CCND2: variants seen among roughly 807,000 people sequenced by gnomAD.
CCND2 encodes cyclin D2, also known as G1/S-specific cyclin-D2.
A neutral mutation model predicts 30.2 loss-of-function variants in CCND2; 6 were observed. The ratio of observed to expected loss-of-function variants is 0.20; its 90% CI spans 0.11 to 0.39. The LOEUF (loss-of-function observed/expected upper bound fraction) is 0.39. Ranked by LOEUF, CCND2 falls within the 10% of genes least tolerant of loss-of-function variation. CCND2 has a pLI of 1.00. For synonymous variants in CCND2, 150 were observed against 153.1 expected (o/e 0.98, Z 0.15); for missense variants, 235 against 373.4 (o/e 0.63, Z 3.06).
At position 4,273,796 on chromosome 12, in the gene CCND2, C is replaced by A; in HGVS notation, c.-245C>A. On this transcript the variant is annotated 5_prime_UTR_variant, in exon 1 of 5. Transcript: ENST00000261254. The surrounding 1 kb of genome is among the most constrained non-coding windows in gnomAD (Gnocchi z 5.9). ...AAGAGCGAGCAGGGGAGAGCGAGAC[C>A]AGTTTTAAGGGGAGGACCGGTGCGA... 1 of 561,788 alleles carries A rather than the reference C, an allele frequency of 1.8e-6. No individual in the cohort carries two copies. The highest frequency in any genetic ancestry group is 3.0e-5 in the East Asian group (1 of 33,060). 34.8% of individuals were successfully genotyped at this position (561,788 alleles called of 1,614,324 possible).
rs1864040724 is a variant in CCND2 at position 4,287,535 on chromosome 12, G to T, written c.572-1307G>T. On this transcript the variant is annotated intron_variant, in intron 3 of 4. Coordinates refer to ENST00000261254, the MANE Select transcript of CCND2 (RefSeq NM_001759.4). The surrounding 1 kb of genome is among the most constrained non-coding windows in gnomAD (Gnocchi z 4.0). Reference sequence around the variant, plus strand: ...ACTAGAGCAATGCTAAAACGAGAAAGAGTACGCTTTGGAAGACTTGCTGCA... The same window carrying T: ...ACTAGAGCAATGCTAAAACGAGAAATAGTACGCTTTGGAAGACTTGCTGCA... 6.6e-6 allele frequency among the ~76,000 whole-genome samples: 1 copy of T among 152,192 alleles called. No homozygotes were observed. The highest frequency in any genetic ancestry group is 1.5e-5 in the Non-Finnish European group (1 of 68,028).
Position 4,303,656 on chromosome 12 carries a change from A to G in CCND2, c.*3647A>G, listed in dbSNP as rs1425146029. On this transcript the variant is annotated 3_prime_UTR_variant, in exon 5 of 5. Coordinates refer to ENST00000261254, the MANE Select transcript of CCND2 (RefSeq NM_001759.4). The surrounding 1 kb of genome is among the most constrained non-coding windows in gnomAD (Gnocchi z 4.6). ...TATATGCTAAGCATAATTAAACTCC[A>G]TGCGGGTCCATAACAGCCAAGAAGC... 1 of 233,548 alleles carries G rather than the reference A, an allele frequency of 4.3e-6. No homozygotes were observed. The highest frequency in any genetic ancestry group is 8.5e-6 in the Non-Finnish European group (1 of 118,048). 14.5% of individuals were successfully genotyped at this position (233,548 alleles called of 1,614,324 possible).
At chr12:4,284,342 C>T (rs568532031) in intron 3 of CCND2, among the ~76,000 whole-genome samples, 1 of 152,230 alleles carries the variant, frequency 6.6e-6, no homozygotes, top group Non-Finnish European at 1.5e-5. Flanking sequence ...CTCATCTTCA[C>T]ACACTTGGTA....
intron 4 of CCND2, among the ~76,000 whole-genome samples, chr12:4,297,479 G>A (rs1416468387): frequency 2.7e-5 from 4 of 146,398 alleles, no homozygotes; most frequent in African/African-American, 1.0e-4. Flanking sequence ...GCTGAGGAAG[G>A]AGAATTGCTT....
chr12:4,288,737 C>T (rs1237690960), intron 3 of CCND2, 105 bp from the exon 4 acceptor site: 14 of 1,117,750 alleles, frequency 1.3e-5, no homozygotes, highest in South Asian at 3.0e-5. Flanking sequence ...GGGTCACTCG[C>T]GCCGCTGACC....
At chr12:4,291,615 G>A (rs573654639) in intron 4 of CCND2, among the ~76,000 whole-genome samples, 19 of 152,236 alleles carry the variant, frequency 1.2e-4, no homozygotes, top group Middle Eastern at 3.4e-3. Flanking sequence ...AACGTGTTAC[G>A]AACCCTAAAT....
intron 3 of CCND2, among the ~76,000 whole-genome samples, chr12:4,279,775 T>C (rs545323707): frequency 4.6e-5 from 7 of 151,244 alleles, no homozygotes; most frequent in Admixed American, 4.6e-4. Flanking sequence ...ACCTTACTCA[T>C]CCAAGGGAGA....
chr12:4,273,768 G>A lies in CCND2; in HGVS notation c.-273G>A. ...CAGCTTGCGTCACCGCTTCAGAGCG[G>A]AGAAGAGCGAGCAGGGGAGAGCGAG... On this transcript the variant is annotated 5_prime_UTR_variant, in exon 1 of 5. Transcript: ENST00000261254. This position sits in a 1 kb window ranked among gnomAD's most constrained non-coding sequence, Gnocchi z 5.9. 1.9e-6 allele frequency: 1 copy of A among 520,156 alleles called. No homozygotes were observed. The highest frequency in any genetic ancestry group is 2.8e-5 in the South Asian group (1 of 35,890). The allele number at this position is 520,156 out of a possible 1,614,324, so 32.2% of individuals were successfully genotyped here.
In CCND2 at chr12:4,274,011, G is replaced by A. The variant is rs1863823444; in HGVS notation, c.-30G>A. On this transcript the variant is annotated 5_prime_UTR_variant, in exon 1 of 5. Transcript: ENST00000261254. This position sits in a 1 kb window ranked among gnomAD's most constrained non-coding sequence, Gnocchi z 7.7. ...AAAACCTTTTTCCAGGCCGGGGAAA[G>A]CAGGAGGGAGAGGGGCCGCCGGGCT... The A allele has an allele frequency of 1.3e-6, 2 of 1,599,792 alleles. No homozygotes were observed. The highest frequency in any genetic ancestry group is 1.7e-5 in the Admixed American group (1 of 58,118).
chr12:4,304,712 C>G lies in CCND2; in HGVS notation c.*4703C>G. ...GTAGCTGCAGCCTGCATCCCTTCGCCTGCAGCCTACTTTGGGGAAATAAAG... is the reference window on the plus strand; with the variant it reads ...GTAGCTGCAGCCTGCATCCCTTCGCGTGCAGCCTACTTTGGGGAAATAAAG... On this transcript the variant is annotated 3_prime_UTR_variant, in exon 5 of 5. Transcript: ENST00000261254. This position sits in a 1 kb window ranked among gnomAD's most constrained non-coding sequence, Gnocchi z 6.2. The G allele has an allele frequency of 4.3e-6, 1 of 233,748 alleles. No individual in the cohort carries two copies. Among genetic ancestry groups the G allele is most frequent in the East Asian group, 6.0e-5 (1 of 16,594 alleles). The allele number at this position is 233,748 out of a possible 1,614,324, so 14.5% of individuals were successfully genotyped here.
At chr12:4,289,188 G>A in intron 4 of CCND2, 198 bp downstream of exon 4, 23 of 134,280 alleles carry the variant, frequency 1.7e-4, no homozygotes, top group South Asian at 8.8e-4. Context: ...AAATACGGAA[G>A]AAAACTCAGC....
chr12:4,284,721 C>A (rs1287902016), intron 3 of CCND2, among the ~76,000 whole-genome samples: 1 of 144,196 alleles, frequency 6.9e-6, no homozygotes, highest in Non-Finnish European at 1.5e-5. Flanking sequence ...AGCCTCCTTT[C>A]TTTTTTTTTT....
chr12:4,280,823 C>CT (rs1192410614), intron 3 of CCND2, among the ~76,000 whole-genome samples: 2 of 152,238 alleles, frequency 1.3e-5, no homozygotes. Context: ...CTTTTGGGGT[C>CT]TAACTGCCCC....
At chr12:4,280,530 G>A (rs1863934470) in intron 3 of CCND2, among the ~76,000 whole-genome samples, 1 of 152,220 alleles carries the variant, frequency 6.6e-6, no homozygotes, top group African/African-American at 2.4e-5. Flanking sequence ...GCGGTTCTTA[G>A]GACCCCTGTG....
chr12:4,290,731 C>G (rs1189096162), intron 4 of CCND2, among the ~76,000 whole-genome samples: 3 of 152,206 alleles, frequency 2.0e-5, no homozygotes, highest in Admixed American at 1.3e-4. Flanking sequence ...GTGGAAATTT[C>G]CCTCCTGGGA....
At position 4,287,517 on chromosome 12, in the gene CCND2, C is replaced by G. The variant is rs1864040527; in HGVS notation, c.572-1325C>G. 6.6e-6 allele frequency among the ~76,000 whole-genome samples: 1 copy of G among 152,140 alleles called. No individual in the cohort carries two copies. The highest frequency in any genetic ancestry group is 6.5e-5 in the Admixed American group (1 of 15,280). ...TCTACACACAGTAAGCTCACTAGAG[C>G]AATGCTAAAACGAGAAAGAGTACGC... On this transcript the variant is annotated intron_variant, in intron 3 of 4. Transcript: ENST00000261254. This position sits in a 1 kb window ranked among gnomAD's most constrained non-coding sequence, Gnocchi z 4.0.
At chr12:4,297,014 A>C (rs1002436204) in intron 4 of CCND2, among the ~76,000 whole-genome samples, 7 of 152,122 alleles carry the variant, frequency 4.6e-5, no homozygotes, top group African/African-American at 1.4e-4. Context: ...CTGGCATTTA[A>C]GTGAACTCCT....
rs573245389 is a variant in CCND2, at chr12:4,276,854, C to A, written c.411+634C>A. On this transcript the variant is annotated intron_variant, in intron 2 of 4. Transcript: ENST00000261254. This position sits in a 1 kb window ranked among gnomAD's most constrained non-coding sequence, Gnocchi z 4.8. ...TATCTCTGCTTTTCTACCAGGGAAC[C>A]TTTTTCCCACCTGATCTAACTCCTT... Among the ~76,000 whole-genome samples, 5 of 152,348 alleles carry A rather than the reference C, an allele frequency of 3.3e-5. No homozygotes were observed. Among genetic ancestry groups the A allele is most frequent in the Admixed American group, 1.3e-4 (2 of 15,304 alleles).
intron 3 of CCND2, among the ~76,000 whole-genome samples, chr12:4,286,669 G>A (rs1338175218): frequency 4.6e-5 from 7 of 152,220 alleles, no homozygotes; most frequent in Non-Finnish European, 1.0e-4. Flanking sequence ...GGACTCCCCT[G>A]AAAATCTTCT....
Sources: gnomAD v4.1 joint callset for allele counts (sites outside exome capture counted in the v4.1 genomes callset) on GRCh38, gnomAD v4.1.1 for gene constraint, Gnocchi (gnomAD v3.1) non-coding constraint, MANE v1.5 for transcripts, NCBI Gene and HGNC (gene_info 2026-07-23, HGNC 2026-07-21) for gene names.